TBC1D5: variants seen among roughly 807,000 people sequenced by gnomAD.
TBC1D5 encodes the protein TBC1 domain family, member 5.
TBC1D5 carries 75 observed loss-of-function variants against 100.3 expected under a neutral mutation model. That is an observed-to-expected ratio of 0.75 (90% CI 0.62 to 0.91). The LOEUF is 0.91. Among genes scored for constraint, TBC1D5 ranks in the 40% least tolerant of loss-of-function variants. TBC1D5 has a pLI of 0.00. For synonymous variants in TBC1D5, 323 were observed against 325.6 expected, an observed-to-expected ratio of 0.99 and a Z score of 0.09; for missense variants, 910 against 942.4, an observed-to-expected ratio of 0.97 and a Z score of 0.45.
intron 13 of TBC1D5, among the ~76,000 whole-genome samples, chr3:17,325,147 A>G (rs1353083853): frequency 6.6e-6 from 1 of 152,140 alleles, no homozygotes; most frequent in African/African-American, 2.4e-5. Context: ...AAACACCTGC[A>G]TATGTAGATT....
At chr3:17,400,333 A>G (rs531144501) in intron 8 of TBC1D5, among the ~76,000 whole-genome samples, 72 of 152,278 alleles carry the variant, frequency 4.7e-4, no homozygotes, top group Middle Eastern at 3.4e-3. Context: ...TGAAAATCAT[A>G]TATTTTAGAT....
chr3:17,457,651 C>G (rs2095118473), intron 3 of TBC1D5, among the ~76,000 whole-genome samples: 1 of 151,994 alleles, frequency 6.6e-6, no homozygotes, highest in South Asian at 2.1e-4. Flanking sequence ...CCATATATGT[C>G]ATATCTGCAT....
At chr3:17,465,039 A>T (rs2095279214) in intron 3 of TBC1D5, 1 of 152,140 alleles carries the variant, frequency 6.6e-6, no homozygotes, top group South Asian at 2.1e-4. Flanking sequence ...TGCTCTGCAG[A>T]GAAAAGGCGT....
At chr3:17,727,862 C>T (rs963511544) in intron 1 of TBC1D5, among the ~76,000 whole-genome samples, 7 of 152,128 alleles carry the variant, frequency 4.6e-5, no homozygotes, top group Non-Finnish European at 8.8e-5. Context: ...ATGCCTGTTT[C>T]GCTTATGAAT....
chr3:17,542,138 A>C (rs1056533611), intron 2 of TBC1D5, among the ~76,000 whole-genome samples: 5 of 152,056 alleles, frequency 3.3e-5, no homozygotes, highest in African/African-American at 1.2e-4. Flanking sequence ...AATTTTTTTT[A>C]AATTAGCCTG....
chr3:17,272,836 A>C (rs2079566822), intron 15 of TBC1D5, among the ~76,000 whole-genome samples: 2 of 152,342 alleles, frequency 1.3e-5, no homozygotes, highest in Non-Finnish European at 2.9e-5. Context: ...CCCAAAATTA[A>C]GAATGAAAAA....
At chr3:17,493,315 G>C (rs1261934142) in intron 3 of TBC1D5, among the ~76,000 whole-genome samples, 1 of 151,264 alleles carries the variant, frequency 6.6e-6, no homozygotes, top group Non-Finnish European at 1.5e-5. Flanking sequence ...TCCTCTCTTA[G>C]TCTGATGGGT....
intron 2 of TBC1D5, among the ~76,000 whole-genome samples, chr3:17,593,620 C>T (rs955235404): frequency 3.0e-4 from 45 of 152,222 alleles, no homozygotes; most frequent in African/African-American, 1.1e-3. Context: ...GACTAGCACC[C>T]ATGTACTCAT....
At position 17,668,740 on chromosome 3, in the gene TBC1D5, CA is replaced by C. The variant is rs199745846; in HGVS notation, c.-100-44828del. Among the ~76,000 whole-genome samples the C allele has an allele frequency of 9.8e-4, 147 of 149,414 alleles. 1 individual carries two copies. The highest frequency in any genetic ancestry group is 3.3e-3 in the African/African-American group (133 of 40,708). On this transcript the variant is annotated intron_variant, in intron 1 of 21. Transcript: ENST00000253692. The stretch of plus-strand genomic sequence containing the variant: ...AAAAATTTAGATTTTTAACTTACCT[CA>C]AAAAAAAAATCACTAGATTCATAGT...
intron 13 of TBC1D5, among the ~76,000 whole-genome samples, chr3:17,324,019 C>T (rs1343863682): frequency 6.6e-6 from 1 of 152,138 alleles, no homozygotes; most frequent in East Asian, 1.9e-4. Flanking sequence ...GGTAGACAAA[C>T]ATTTATGGTC....
intron 1 of TBC1D5, chr3:17,739,216 G>A (rs1239108469): frequency 6.6e-6 from 1 of 152,200 alleles, no homozygotes; most frequent in Admixed American, 6.5e-5. Flanking sequence ...GGATCAGGTG[G>A]ACTAGCACCA....
chr3:17,552,540 T>A (rs1300596273), intron 2 of TBC1D5, among the ~76,000 whole-genome samples: 3 of 152,102 alleles, frequency 2.0e-5, no homozygotes, highest in Non-Finnish European at 2.9e-5. Flanking sequence ...ATGGAACACA[T>A]GCCTGGCACT....
chr3:17,364,903 AT>A (rs948102622), intron 13 of TBC1D5, among the ~76,000 whole-genome samples: 1 of 152,106 alleles, frequency 6.6e-6, no homozygotes, highest in Non-Finnish European at 1.5e-5. Flanking sequence ...ACTCTATATG[AT>A]TTTTTTCATT....
intron 2 of TBC1D5, among the ~76,000 whole-genome samples, chr3:17,592,880 T>C (rs2060320841): frequency 6.6e-6 from 1 of 152,194 alleles, no homozygotes. Flanking sequence ...GGCCTGTTAC[T>C]AGGCTTTTGT....
intron 1 of TBC1D5, among the ~76,000 whole-genome samples, chr3:17,704,885 A>C (rs1363949021): frequency 4.0e-4 from 25 of 62,232 alleles, no homozygotes; most frequent in Admixed American, 1.3e-3. Context: ...CTGACCCCCC[A>C]ACCTCCCTCC....
At chr3:17,419,724 G>C (rs1037686995) in intron 4 of TBC1D5, among the ~76,000 whole-genome samples, 3 of 152,078 alleles carry the variant, frequency 2.0e-5, no homozygotes, top group Non-Finnish European at 4.4e-5. Flanking sequence ...CACCAAGGCT[G>C]GAGTGCAGTG....
intron 21 of TBC1D5, among the ~76,000 whole-genome samples, chr3:17,164,164 T>C (rs182827281): frequency 6.6e-6 from 1 of 152,318 alleles, no homozygotes; most frequent in Admixed American, 6.5e-5. Context: ...AAGAACACTA[T>C]GAGCCATGTC....
chr3:17,349,612 T>G (rs375340749), intron 13 of TBC1D5, among the ~76,000 whole-genome samples: 1 of 152,278 alleles, frequency 6.6e-6, no homozygotes, highest in African/African-American at 2.4e-5. Flanking sequence ...TAAAAACTTT[T>G]TAGAGGTTGG....
chr3:17,302,562 T>C lies in TBC1D5; in HGVS notation c.1138+5430A>G, dbSNP rs568418680. On this transcript the variant is annotated intron_variant, in intron 14 of 21. Transcript: ENST00000253692. ...TTTGGACTAGATGCAGTGAATCTTA[T>C]CTATTTTTGGGGGATGTGTTCCTTT... 1.9e-3 allele frequency among the ~76,000 whole-genome samples: 296 copies of C among 152,318 alleles called. 1 individual carries two copies. The highest frequency in any genetic ancestry group is 6.8e-3 in the Middle Eastern group (2 of 294).
Sources: gnomAD v4.1 joint callset for allele counts (sites outside exome capture counted in the v4.1 genomes callset) on GRCh38, gnomAD v4.1.1 for gene constraint, MANE v1.5 for transcripts, NCBI Gene and HGNC (gene_info 2026-07-23, HGNC 2026-07-21) for gene names.